USP28: variants seen among roughly 807,000 people sequenced by gnomAD.
The protein encoded by USP28 is ubiquitin carboxyl-terminal hydrolase 28.
In USP28, 113 loss-of-function variants were observed where a neutral mutation model predicts 145.0. The observed-to-expected ratio is 0.78, with a 90% CI of 0.67 to 0.91. The LOEUF (loss-of-function observed/expected upper bound fraction) is 0.91. USP28 is among the 40% of genes least tolerant of loss of function. USP28 has a pLI of 0.00. For synonymous variants in USP28, 447 were observed against 450.9 expected, an observed-to-expected ratio of 0.99 and a Z score of 0.11; for missense variants, 1,201 against 1,289.6, an observed-to-expected ratio of 0.93 and a Z score of 1.05.
At chr11:113,874,141 GA>G (rs552125095) in intron 1 of USP28, among the ~76,000 whole-genome samples, 1,352 of 83,430 alleles carry the variant, frequency 0.016, 17 homozygotes, top group Admixed American at 0.047. Context: ...ACTCCGTCTG[GA>G]AAAAAAAAAA....
chr11:113,853,655 A>T (rs1403837911), intron 2 of USP28, among the ~76,000 whole-genome samples: 1 of 152,092 alleles, frequency 6.6e-6, no homozygotes, highest in East Asian at 1.9e-4. Context: ...CGGGTGGATC[A>T]CTTGAGGTCA....
At chr11:113,810,297 CAAT>C (rs1414949454) in intron 16 of USP28, among the ~76,000 whole-genome samples, 10 of 152,070 alleles carry the variant, frequency 6.6e-5, no homozygotes, top group Non-Finnish European at 1.0e-4. Context: ...GTGAAATGGT[CAAT>C]AATACCTGGC....
chr11:113,839,651 G>C (rs899839453), intron 5 of USP28, among the ~76,000 whole-genome samples: 1 of 152,230 alleles, frequency 6.6e-6, no homozygotes, highest in East Asian at 1.9e-4. Context: ...CACTTTGGGA[G>C]GCTGAGGCGG....
chr11:113,844,624 C>T (rs930352711), intron 3 of USP28, among the ~76,000 whole-genome samples: 1 of 152,138 alleles, frequency 6.6e-6, no homozygotes, highest in African/African-American at 2.4e-5. Context: ...CCAAAGAATA[C>T]ACAAGATAAA....
At chr11:113,872,157 T>C (rs1489915216) in intron 1 of USP28, among the ~76,000 whole-genome samples, 1 of 152,242 alleles carries the variant, frequency 6.6e-6, no homozygotes, top group African/African-American at 2.4e-5. Context: ...CATTTTACTA[T>C]TGATTTAATT....
At chr11:113,840,304 T>C (rs1323673634) in intron 5 of USP28, among the ~76,000 whole-genome samples, 1 of 149,784 alleles carries the variant, frequency 6.7e-6, no homozygotes, top group African/African-American at 2.4e-5. Flanking sequence ...TGGATAGCTA[T>C]GATAGCCTTC....
chr11:113,863,374 G>A (rs542138453), intron 1 of USP28, among the ~76,000 whole-genome samples: 4 of 152,170 alleles, frequency 2.6e-5, no homozygotes, highest in African/African-American at 9.6e-5. Context: ...GGCTGGGTGC[G>A]ATGGCTCACA....
intron 1 of USP28, among the ~76,000 whole-genome samples, chr11:113,872,096 G>A (rs1187063342): frequency 6.6e-6 from 1 of 152,212 alleles, no homozygotes; most frequent in Non-Finnish European, 1.5e-5. Context: ...TGCTCAATTA[G>A]CATTAGCTAT....
chr11:113,842,952 T>A (rs533230098), intron 3 of USP28, among the ~76,000 whole-genome samples: 1 of 152,218 alleles, frequency 6.6e-6, no homozygotes, highest in Non-Finnish European at 1.5e-5. Flanking sequence ...TAAGAACTTT[T>A]GGGCATGGTG....
At chr11:113,799,359 C>T in exon 25 of USP28, 1 of 1,614,208 alleles carries the variant, frequency 6.2e-7, no homozygotes. Flanking sequence ...ACGATGATTT[C>T]TGCAGAAGGA....
At chr11:113,839,822 A>C (rs1944994604) in intron 5 of USP28, among the ~76,000 whole-genome samples, 1 of 152,142 alleles carries the variant, frequency 6.6e-6, no homozygotes. Context: ...CAGGAGTTGG[A>C]GACCAGCCTG....
At chr11:113,846,788 T>C (rs1488288082) in intron 3 of USP28, among the ~76,000 whole-genome samples, 1 of 152,152 alleles carries the variant, frequency 6.6e-6, no homozygotes. Context: ...GTCAGGAGTT[T>C]GAGACCGGCC....
chr11:113,811,650 T>C (rs6589397), intron 16 of USP28, among the ~76,000 whole-genome samples: 77,214 of 151,624 alleles, frequency 0.51, 20,417 homozygotes, highest in South Asian at 0.6. Flanking sequence ...ATTGCGCCAC[T>C]GCACTCCAGC....
At chr11:113,839,878 C>A (rs934763281) in intron 5 of USP28, among the ~76,000 whole-genome samples, 5 of 152,250 alleles carry the variant, frequency 3.3e-5, no homozygotes, top group Middle Eastern at 3.4e-3. Flanking sequence ...CAAAATTAGC[C>A]AGGCCTGGTG....
chr11:113,849,541 C>T (rs1330591638), intron 3 of USP28, among the ~76,000 whole-genome samples: 2 of 152,010 alleles, frequency 1.3e-5, no homozygotes, highest in African/African-American at 4.8e-5. Context: ...GGAAACCTGG[C>T]CTATTAAAGG....
At chr11:113,830,761 G>T in intron 9 of USP28, 106 bp downstream of exon 9, 2 of 1,012,464 alleles carry the variant, frequency 2.0e-6, no homozygotes, top group Non-Finnish European at 3.0e-6. Context: ...TCAGAGCTGA[G>T]TACTGCTGAC....
exon 4 of USP28, chr11:113,841,705 A>G (rs754517017): frequency 6.2e-7 from 1 of 1,613,750 alleles, no homozygotes; most frequent in Non-Finnish European, 8.5e-7. Flanking sequence ...GGGAGACTCC[A>G]GTAGACTCAA....
chr11:113,864,303 G>A (rs146846417), intron 1 of USP28, among the ~76,000 whole-genome samples: 32 of 152,272 alleles, frequency 2.1e-4, no homozygotes, highest in African/African-American at 6.7e-4. Flanking sequence ...AAAACATCCA[G>A]GTTCATGAAC....
exon 8 of USP28, chr11:113,831,927 T>A: frequency 6.2e-7 from 1 of 1,613,744 alleles, no homozygotes; most frequent in South Asian, 1.1e-5. Flanking sequence ...CACTTAACAT[T>A]AACAGCTAGC....
Sources: gnomAD v4.1 joint callset for allele counts (sites outside exome capture counted in the v4.1 genomes callset) on GRCh38, gnomAD v4.1.1 for gene constraint, MANE v1.5 for transcripts, NCBI Gene and HGNC (gene_info 2026-07-23, HGNC 2026-07-21) for gene names.